Variants in SEL1L3 observed in about 807,000 individuals in gnomAD.
SEL1L3 encodes protein sel-1 homolog 3.
A neutral mutation model predicts 142.8 loss-of-function variants in SEL1L3; 76 were observed. The ratio of observed to expected loss-of-function variants is 0.53; its 90% confidence interval spans 0.44 to 0.64. The LOEUF (loss-of-function observed/expected upper bound fraction) is 0.64, where lower values mean the gene tolerates loss of function less well. Among genes scored for constraint, SEL1L3 ranks in the 30% least tolerant of loss-of-function variants. SEL1L3 has a pLI of 0.00. For missense variants in SEL1L3, 1,262 were observed against 1,381.7 expected (o/e 0.91, Z 1.37); for synonymous variants, 504 against 519.6 (o/e 0.97, Z 0.41).
At chr4:25,732,690 G>A in the SEL1L3 span, among the ~76,000 whole-genome samples, 2 of 151,956 alleles carry the variant, frequency 1.3e-5, no homozygotes, top group African/African-American at 4.8e-5. Flanking sequence ...TTTTGTACTG[G>A]ATTGGGTCTT....
Position 25,835,282 on chromosome 4 carries a change from C to T in SEL1L3, c.775G>A (p.Glu259Lys), listed in dbSNP as rs1315481207. The T allele has an allele frequency of 6.2e-7, 1 of 1,614,020 alleles. No individual in the cohort carries two copies. The highest frequency in any genetic ancestry group is 1.1e-5 in the South Asian group (1 of 91,088). Residue 259 changes from glutamate (E) to lysine (K), a missense_variant, in exon 3 of 24, where the codon GAA (glutamate) becomes AAA (lysine). Glu to Lys is a moderately conservative substitution (Grantham distance 56). Transcript: ENST00000399878. ...AACTTCTTGACAATGCCTGTGTTTTCTCCACTGGAGGCATAAGGAAAGCCA... is the reference window on the plus strand; with the variant it reads ...AACTTCTTGACAATGCCTGTGTTTTTTCCACTGGAGGCATAAGGAAAGCCA... Reference protein sequence around the residue: ...LLGFPYASSGENTGIVKKFPR... With the variant: ...LLGFPYASSGKNTGIVKKFPR...
chr4:25,789,029 CAG>C (rs1438446571), intron 12 of SEL1L3, among the ~76,000 whole-genome samples: 2 of 152,180 alleles, frequency 1.3e-5, no homozygotes, highest in African/African-American at 4.8e-5. Context: ...ATGGCTCTGG[CAG>C]AGTCATTCCC....
At chr4:25,838,902 C>T (rs1470171521) in intron 2 of SEL1L3, among the ~76,000 whole-genome samples, 6 of 152,326 alleles carry the variant, frequency 3.9e-5, no homozygotes, top group Admixed American at 3.9e-4. Context: ...AACACTTCCA[C>T]GTAACAAAGG....
At chr4:25,728,496 C>T in the SEL1L3 span, among the ~76,000 whole-genome samples, 1 of 152,140 alleles carries the variant, frequency 6.6e-6, no homozygotes, top group Non-Finnish European at 1.5e-5. Flanking sequence ...CCCCCATGCC[C>T]TTGCTCATCA....
intron 23 of SEL1L3, among the ~76,000 whole-genome samples, chr4:25,753,657 T>G (rs931613663): frequency 2.0e-5 from 3 of 152,200 alleles, no homozygotes; most frequent in African/African-American, 7.2e-5. Context: ...TCCCATCAGC[T>G]TCACTGTACT....
intron 20 of SEL1L3, 28 bp from the exon 21 acceptor site, chr4:25,759,096 T>A (rs1560278875): frequency 6.2e-7 from 1 of 1,607,096 alleles, no homozygotes; most frequent in Non-Finnish European, 8.5e-7. Context: ...ACCAAACTCA[T>A]CAAATCCTTG....
chr4:25,761,431 C>T (rs1718371087), intron 20 of SEL1L3, among the ~76,000 whole-genome samples: 1 of 152,148 alleles, frequency 6.6e-6, no homozygotes, highest in African/African-American at 2.4e-5. Flanking sequence ...GCTGGCACTA[C>T]AGGGTTGAGC....
At chr4:25,818,365 T>C in intron 8 of SEL1L3, 87 bp from the exon 9 acceptor site, 1 of 1,167,378 alleles carries the variant, frequency 8.6e-7, no homozygotes, top group Non-Finnish European at 1.1e-6. Context: ...TAACAGGAAC[T>C]AGAAAGACTT....
rs543838907 is a variant in SEL1L3 at position 25,767,509 on chromosome 4, G to A, written c.2845+16C>T. On this transcript the variant is annotated intron_variant, in intron 19 of 23. Transcript: ENST00000399878. ...ACACCTAATGCTTCAATTTTGCACC[G>A]TTTTTCTATACATACCAAAGGAAGG... 26 of 1,446,700 alleles carry A rather than the reference G, an allele frequency of 1.8e-5. No homozygotes were observed. Among genetic ancestry groups the A allele is most frequent in the African/African-American group, 7.0e-5 (5 of 71,486 alleles). The allele number at this position is 1,446,700 out of a possible 1,614,324, so 89.6% of individuals were successfully genotyped here. A position where few individuals can be genotyped will look rare whatever the true frequency, so the allele number is the denominator to read the frequency against.
At chr4:25,767,699 A>G (rs569631861) in intron 18 of SEL1L3, 41 bp downstream of exon 18, 1 of 1,472,374 alleles carries the variant, frequency 6.8e-7, no homozygotes, top group African/African-American at 1.4e-5. Flanking sequence ...CATTATCCTT[A>G]ACCTCAGAGC....
chr4:25,832,172 C>T (rs1431208266), intron 5 of SEL1L3, among the ~76,000 whole-genome samples: 1 of 152,192 alleles, frequency 6.6e-6, no homozygotes, highest in African/African-American at 2.4e-5. Flanking sequence ...AAGGACTGAC[C>T]TGATTTCTTT....
the SEL1L3 span, among the ~76,000 whole-genome samples, chr4:25,723,916 T>C: frequency 6.6e-6 from 1 of 152,196 alleles, no homozygotes; most frequent in Admixed American, 6.6e-5. Context: ...ATCATGTTCC[T>C]ATTACTCGCC....
At chr4:25,837,521 A>G (rs539672911) in intron 2 of SEL1L3, among the ~76,000 whole-genome samples, 2 of 152,014 alleles carry the variant, frequency 1.3e-5, no homozygotes, top group African/African-American at 4.8e-5. Flanking sequence ...TAGATTATGA[A>G]GGAAAAAGCT....
chr4:25,844,455 C>G (rs564091809), intron 2 of SEL1L3, among the ~76,000 whole-genome samples: 1 of 152,294 alleles, frequency 6.6e-6, no homozygotes, highest in Admixed American at 6.5e-5. Context: ...TGGTTTAATT[C>G]TCACTCCTAA....
intron 1 of SEL1L3, among the ~76,000 whole-genome samples, chr4:25,851,466 A>G (rs930286352): frequency 3.3e-5 from 5 of 152,192 alleles, no homozygotes; most frequent in Non-Finnish European, 7.3e-5. Context: ...CTGGTTGCTT[A>G]CACGGATAAG....
chr4:25,756,392 T>G (rs1372457028), intron 23 of SEL1L3: 1 of 985,282 alleles, frequency 1.0e-6, no homozygotes, highest in Non-Finnish European at 1.2e-6. Context: ...ATGTAAGAGC[T>G]AACATTTATT....
intron 6 of SEL1L3, among the ~76,000 whole-genome samples, chr4:25,828,671 C>T (rs1422883288): frequency 6.6e-6 from 1 of 152,076 alleles, no homozygotes; most frequent in African/African-American, 2.4e-5. Flanking sequence ...AGGTGTGAAC[C>T]ACCTGTAAAA....
At chr4:25,820,673 G>C (rs1001044491) in intron 7 of SEL1L3, among the ~76,000 whole-genome samples, 14 of 152,206 alleles carry the variant, frequency 9.2e-5, no homozygotes, top group Non-Finnish European at 1.2e-4. Context: ...ACTGAATATA[G>C]CAAGGGTATG....
chr4:25,731,753 G>T, the SEL1L3 span, among the ~76,000 whole-genome samples: 1 of 152,168 alleles, frequency 6.6e-6, no homozygotes, highest in South Asian at 2.1e-4. Context: ...ATTTGGGTTA[G>T]TTCCAGTTAG....
Sources: gnomAD v4.1 joint callset for allele counts (sites outside exome capture counted in the v4.1 genomes callset) on GRCh38, gnomAD v4.1.1 for gene constraint, MANE v1.5 for transcripts, NCBI Gene and HGNC (gene_info 2026-07-23, HGNC 2026-07-21) for gene names.